The following TPMT variants were observed in gnomAD, a reference collection of about 807,000 sequenced individuals.
The protein encoded by TPMT is thiopurine S-methyltransferase.
TPMT carries 18 observed loss-of-function variants against 34.2 expected under a neutral mutation model. The ratio of observed to expected loss-of-function variants is 0.53; its 90% CI spans 0.36 to 0.78. The LOEUF is 0.78. TPMT is among the 30% of genes least tolerant of loss of function. TPMT has a pLI of 0.00. For missense variants in TPMT, 265 were observed against 288.1 expected (o/e 0.92, Z 0.58); for synonymous variants, 69 against 92.4 (o/e 0.75, Z 1.45).
At position 18,140,007 on chromosome 6, in the gene TPMT, C is replaced by T. The variant is rs989339663; in HGVS notation, c.367-290G>A. ...CTATAAAATTCTAACAATGTTTCCT[C>T]GAGCAGAGTGATATTTTTACTCTGC... On this transcript the variant is annotated intron_variant, in intron 4 of 8. Transcript: ENST00000309983. The surrounding 1 kb of genome is among the most constrained non-coding windows in gnomAD (Gnocchi z 4.7). 2.0e-5 allele frequency among the ~76,000 whole-genome samples: 3 copies of T among 152,126 alleles called. No homozygotes were observed. The highest frequency in any genetic ancestry group is 6.5e-5 in the Admixed American group (1 of 15,270).
In TPMT at chr6:18,130,747, A is replaced by G. The variant is rs1467415970; in HGVS notation, c.659T>C (p.Val220Ala). The G allele has an allele frequency of 1.2e-6, 2 of 1,613,588 alleles. No homozygotes were observed. The highest frequency in any genetic ancestry group is 8.5e-7 in the Non-Finnish European group (1 of 1,179,902). Residue 220 changes from valine to alanine, a missense_variant, in exon 9 of 9, where the codon GTT becomes GCT. Coordinates refer to ENST00000309983, the MANE Select transcript of TPMT (RefSeq NM_000367.5). This position sits in a 1 kb window ranked among gnomAD's most constrained non-coding sequence, Gnocchi z 4.2. ...TTTATGTCGTTCTTCAAAAGCATCA[A>G]CCTTCTCAAGACAACGTATATTGCA... ...KICNIRCLEKVDAFEERHKSW... is the reference protein window; with the variant it reads ...KICNIRCLEKADAFEERHKSW...
chr6:18,133,493 C>A (rs1300706449), intron 7 of TPMT, among the ~76,000 whole-genome samples: 16 of 152,210 alleles, frequency 1.1e-4, no homozygotes, highest in Admixed American at 1.0e-3. Context: ...AACCACATTC[C>A]TCCTTCTTCC....
rs1012950879 is a variant in TPMT, at chr6:18,148,560, G to A, written c.140+428C>T. Among the ~76,000 whole-genome samples the A allele has an allele frequency of 6.6e-6, 1 of 152,086 alleles. No homozygotes were observed. Among genetic ancestry groups the A allele is most frequent in the Non-Finnish European group, 1.5e-5 (1 of 68,020 alleles). ...ATCCTAACTCACTTTATAATTTCTC[G>A]CAACTTCTTTTCTCCCACCATAGAG... On this transcript the variant is annotated intron_variant, in intron 2 of 8. Coordinates refer to ENST00000309983, the MANE Select transcript of TPMT (RefSeq NM_000367.5). The surrounding 1 kb of genome is among the most constrained non-coding windows in gnomAD (Gnocchi z 4.1).
rs1009627997 is a variant in TPMT at position 18,146,341 on chromosome 6, A to T, written c.233+1482T>A. The stretch of plus-strand genomic sequence containing the variant: ...CAGCTTCTCAGGTAGTTGGGATTAC[A>T]AGCGTACGCTGCCATGCCTGGCTAA... On this transcript the variant is annotated intron_variant, in intron 3 of 8. Transcript: ENST00000309983. The surrounding 1 kb of genome is among the most constrained non-coding windows in gnomAD (Gnocchi z 6.2). 2.6e-5 allele frequency among the ~76,000 whole-genome samples: 4 copies of T among 152,100 alleles called. No individual in the cohort carries two copies.
In TPMT at chr6:18,130,869, T is replaced by A; in HGVS notation, c.626-89A>T. On this transcript the variant is annotated intron_variant, in intron 8 of 8. Coordinates refer to ENST00000309983, the MANE Select transcript of TPMT (RefSeq NM_000367.5). The surrounding 1 kb of genome is among the most constrained non-coding windows in gnomAD (Gnocchi z 4.2). ...AATACTCAAAATTGGCTGGGTGCGGTGGCTCACACCTGTAATCCCAACACT... is the reference window on the plus strand; with the variant it reads ...AATACTCAAAATTGGCTGGGTGCGGAGGCTCACACCTGTAATCCCAACACT... 9.3e-7 allele frequency: 1 copy of A among 1,073,694 alleles called. No individual in the cohort carries two copies. Among genetic ancestry groups the A allele is most frequent in the South Asian group, 1.3e-5 (1 of 78,160 alleles). The allele number at this position is 1,073,694 out of a possible 1,614,324, so 66.5% of individuals were successfully genotyped here.
intron 6 of TPMT, among the ~76,000 whole-genome samples, chr6:18,134,296 C>T (rs376007121): frequency 6.6e-6 from 1 of 152,182 alleles, no homozygotes; most frequent in South Asian, 2.1e-4. Context: ...AGAAAAGATG[C>T]CTGAGCTCCA....
At position 18,149,450 on chromosome 6, in the gene TPMT, C is replaced by A. The variant is rs1784310766; in HGVS notation, c.-44-279G>T. 1.3e-5 allele frequency among the ~76,000 whole-genome samples: 2 copies of A among 151,660 alleles called. No individual in the cohort carries two copies. Among genetic ancestry groups the A allele is most frequent in the South Asian group, 4.2e-4 (2 of 4,804 alleles). ...GGACTGCAGGTGTGCACCATCATGC[C>A]CAGCTAATCTTTCTTTCCTTGTTTT... On this transcript the variant is annotated intron_variant, in intron 1 of 8. Transcript: ENST00000309983. The surrounding 1 kb of genome is among the most constrained non-coding windows in gnomAD (Gnocchi z 5.0).
At position 18,150,929 on chromosome 6, in the gene TPMT, G is replaced by C. The variant is rs114627467; in HGVS notation, c.-44-1758C>G. ...AGATTTGACCATGTTGGCCAGGCTG[G>C]TCTTGAACTCCTGGCCTCATGTGAT... On this transcript the variant is annotated intron_variant, in intron 1 of 8. Transcript: ENST00000309983. This position sits in a 1 kb window ranked among gnomAD's most constrained non-coding sequence, Gnocchi z 5.3. Among the ~76,000 whole-genome samples, 2,526 of 152,204 alleles carry C rather than the reference G, an allele frequency of 0.017. 36 individuals carry two copies. The highest frequency in any genetic ancestry group is 0.024 in the Non-Finnish European group (1,661 of 68,008).
chr6:18,132,219 C>G lies in TPMT; in HGVS notation c.581-42G>C, dbSNP rs1420983803. The stretch of plus-strand genomic sequence containing the variant: ...TAAATTCTGAGTTTATTTCCAATGA[C>G]GTAGGTGTACTTGTTCTACATACAA... On this transcript the variant is annotated intron_variant, in intron 7 of 8. Transcript: ENST00000309983. The surrounding 1 kb of genome is among the most constrained non-coding windows in gnomAD (Gnocchi z 4.8). The G allele has an allele frequency of 6.3e-7, 1 of 1,582,880 alleles. No homozygotes were observed. Among genetic ancestry groups the G allele is most frequent in the Non-Finnish European group, 8.7e-7 (1 of 1,152,364 alleles).
At position 18,139,834 on chromosome 6, in the gene TPMT, A is replaced by T. The variant is rs1582041773; in HGVS notation, c.367-117T>A. ...TAGGGAAAGAATGTGTTAATTAAAC[A>T]TAATTAAAGTAAATAATTTTACTGC... On this transcript the variant is annotated intron_variant, in intron 4 of 8. Coordinates refer to ENST00000309983, the MANE Select transcript of TPMT (RefSeq NM_000367.5). The surrounding 1 kb of genome is among the most constrained non-coding windows in gnomAD (Gnocchi z 4.2). 4.5e-6 allele frequency: 3 copies of T among 669,732 alleles called. No homozygotes were observed. Among genetic ancestry groups the T allele is most frequent in the Non-Finnish European group, 7.8e-6 (3 of 384,892 alleles). The allele number at this position is 669,732 out of a possible 1,614,324, so 41.5% of individuals were successfully genotyped here. A position where few individuals can be genotyped will look rare whatever the true frequency, so the allele number is the denominator to read the frequency against.
In TPMT at chr6:18,129,344, G is replaced by C. The variant is rs1316605071; in HGVS notation, c.*1324C>G. On this transcript the variant is annotated 3_prime_UTR_variant, in exon 9 of 9. Coordinates refer to ENST00000309983, the MANE Select transcript of TPMT (RefSeq NM_000367.5). ...ATGCAGGCCAAGGGGAACTAGAGAG[G>C]CTGACAAGACATATCTCTGGGGAGA... 1 of 152,178 alleles carries C rather than the reference G, an allele frequency of 6.6e-6. No homozygotes were observed. The highest frequency in any genetic ancestry group is 1.9e-4 in the East Asian group (1 of 5,196). 9.4% of individuals were successfully genotyped at this position (152,178 alleles called of 1,614,324 possible). A position where few individuals can be genotyped will look rare whatever the true frequency, so the allele number is the denominator to read the frequency against.
Position 18,130,439 on chromosome 6 carries a change from T to C in TPMT, c.*229A>G. The C allele has an allele frequency of 2.1e-6, 1 of 479,968 alleles. No individual in the cohort carries two copies. The highest frequency in any genetic ancestry group is 3.8e-6 in the Non-Finnish European group (1 of 265,138). The allele number at this position is 479,968 out of a possible 1,614,324, so 29.7% of individuals were successfully genotyped here. A position where few individuals can be genotyped will look rare whatever the true frequency, so the allele number is the denominator to read the frequency against. ...AGACACATAGGCATAATCTTTCACA[T>C]CATAATCTCCTCTCCAAAGGAGCTA... On this transcript the variant is annotated 3_prime_UTR_variant, in exon 9 of 9. Transcript: ENST00000309983. This position sits in a 1 kb window ranked among gnomAD's most constrained non-coding sequence, Gnocchi z 4.2.
chr6:18,130,783 G>C lies in TPMT; in HGVS notation c.626-3C>G. 1.3e-6 allele frequency: 2 copies of C among 1,597,670 alleles called. No individual in the cohort carries two copies. Among genetic ancestry groups the C allele is most frequent in the Non-Finnish European group, 1.7e-6 (2 of 1,165,472 alleles). The stretch of plus-strand genomic sequence containing the variant: ...ACAACGTATATTGCATATTTTACCT[G>C]AAACAAGAAAGAGTAACATGTTAAA... On this transcript the variant is annotated splice_region_variant and splice_polypyrimidine_tract_variant and intron_variant, in intron 8 of 8. Transcript: ENST00000309983. The surrounding 1 kb of genome is among the most constrained non-coding windows in gnomAD (Gnocchi z 4.2).
rs558249459 is a variant in TPMT at position 18,136,642 on chromosome 6, T to G, written c.494+2321A>C. ...GACCAACATGGAGAAACCCCGTCTC[T>G]ACTAAAAATACAAAAAAATTAGCCG... On this transcript the variant is annotated intron_variant, in intron 6 of 8. Coordinates refer to ENST00000309983, the MANE Select transcript of TPMT (RefSeq NM_000367.5). This position sits in a 1 kb window ranked among gnomAD's most constrained non-coding sequence, Gnocchi z 4.7. Among the ~76,000 whole-genome samples, 202 of 152,226 alleles carry G rather than the reference T, an allele frequency of 1.3e-3. 2 individuals are homozygous for G. Among genetic ancestry groups the G allele is most frequent in the African/African-American group, 4.4e-3 (184 of 41,538 alleles).
At position 18,150,687 on chromosome 6, in the gene TPMT, T is replaced by C. The variant is rs879567090; in HGVS notation, c.-44-1516A>G. ...GCACAAGGAAGAAAAAGAATGTTTT[T>C]CCATTTTGCATGTATAAAACACGGT... On this transcript the variant is annotated intron_variant, in intron 1 of 8. Coordinates refer to ENST00000309983, the MANE Select transcript of TPMT (RefSeq NM_000367.5). The surrounding 1 kb of genome is among the most constrained non-coding windows in gnomAD (Gnocchi z 5.3). 1.3e-5 allele frequency among the ~76,000 whole-genome samples: 2 copies of C among 152,224 alleles called. No homozygotes were observed. Among genetic ancestry groups the C allele is most frequent in the Non-Finnish European group, 2.9e-5 (2 of 68,038 alleles).
intron 1 of TPMT, among the ~76,000 whole-genome samples, chr6:18,151,573 GATTT>G (rs70974705): frequency 0.41 from 57,966 of 142,484 alleles, 11,967 homozygotes; most frequent in South Asian, 0.51. Flanking sequence ...TGGAAACCTA[GATTT>G]ATTTATTTAT....
At chr6:18,141,549 A>G (rs1582042841) in intron 4 of TPMT, among the ~76,000 whole-genome samples, 1 of 152,260 alleles carries the variant, frequency 6.6e-6, no homozygotes, top group East Asian at 1.9e-4. Context: ...CATGTTGGCC[A>G]TGCTGGTCCT....
rs1783914598 is a variant in TPMT at position 18,130,292 on chromosome 6, A to G, written c.*376T>C. On this transcript the variant is annotated 3_prime_UTR_variant, in exon 9 of 9. Coordinates refer to ENST00000309983, the MANE Select transcript of TPMT (RefSeq NM_000367.5). The surrounding 1 kb of genome is among the most constrained non-coding windows in gnomAD (Gnocchi z 4.2). ...AAGAACGAAACTCCATCTCAAAAAA[A>G]TAAAACAAAATAAATGCCAGTTTTT... 3 of 192,354 alleles carry G rather than the reference A, an allele frequency of 1.6e-5. No individual in the cohort carries two copies. In the South Asian group the frequency reaches 2.6e-4, roughly 17 times the overall value. The allele number at this position is 192,354 out of a possible 1,614,324, so 11.9% of individuals were successfully genotyped here. A position where few individuals can be genotyped will look rare whatever the true frequency, so the allele number is the denominator to read the frequency against.
At chr6:18,134,301 GCTCCATC>G (rs1434460297) in intron 6 of TPMT, among the ~76,000 whole-genome samples, 1 of 152,208 alleles carries the variant, frequency 6.6e-6, no homozygotes, top group African/African-American at 2.4e-5. Context: ...AGATGCCTGA[GCTCCATC>G]CCCACAGACC....
Sources: allele counts gnomAD v4.1 joint callset (sites outside exome capture counted in the v4.1 genomes callset), GRCh38; gene constraint gnomAD v4.1.1; non-coding constraint Gnocchi (gnomAD v3.1); transcripts MANE v1.5; gene names NCBI Gene and HGNC (gene_info 2026-07-23, HGNC 2026-07-21).